The following NLGN1 variants were observed in gnomAD, a reference collection of about 807,000 sequenced individuals.
NLGN1 encodes neuroligin 1.
In NLGN1, 12 loss-of-function variants were observed where a neutral mutation model predicts 65.5. The ratio of observed to expected loss-of-function variants is 0.18; its 90% CI spans 0.12 to 0.30. NLGN1 has a LOEUF of 0.30. NLGN1 is among the 10% of genes least tolerant of loss of function. The pLI is 1.00. For synonymous variants in NLGN1, 350 were observed against 359.5 expected, an observed-to-expected ratio of 0.97 and a Z score of 0.30; for missense variants, 750 against 1,007.1, an observed-to-expected ratio of 0.74 and a Z score of 3.46.
chr3:174,215,869 G>T (rs1169658830), intron 4 of NLGN1, among the ~76,000 whole-genome samples: 4 of 152,052 alleles, frequency 2.6e-5, no homozygotes, highest in South Asian at 2.1e-4. Flanking sequence ...CTTTTCTACT[G>T]CAGCCTCCCA....
rs550467233 is a variant in NLGN1, at chr3:173,472,795, T to C, written c.-321+37717T>C. The stretch of plus-strand genomic sequence containing the variant: ...CATCTTTTTTCTCAGCATTTTTCAA[T>C]TGTCGACCTAAAAAAGAATTGTCTG... On this transcript the variant is annotated intron_variant, in intron 2 of 6. Coordinates refer to ENST00000457714, the Ensembl canonical transcript of NLGN1. Among the ~76,000 whole-genome samples the C allele has an allele frequency of 2.0e-5, 3 of 152,244 alleles. No homozygotes were observed. The South Asian group carries it at 6.2e-4, about 32-fold the overall frequency.
chr3:173,694,447 A>G (rs1765908722), intron 3 of NLGN1, among the ~76,000 whole-genome samples: 1 of 152,196 alleles, frequency 6.6e-6, no homozygotes, highest in African/African-American at 2.4e-5. Context: ...ACTGACGTGT[A>G]CATTATCTAG....
Position 173,792,883 on chromosome 3 carries a change from C to T in NLGN1, c.494-14797C>T, listed in dbSNP as rs1289859451. Among the ~76,000 whole-genome samples, 3 of 152,022 alleles carry T rather than the reference C, an allele frequency of 2.0e-5. No individual in the cohort carries two copies. The East Asian group carries it at 5.8e-4, about 29-fold the overall frequency. On this transcript the variant is annotated intron_variant, in intron 3 of 6. Transcript: ENST00000457714. ...TGGAATAGAAAATATCTTATTTTTGCTCATGAATTTCGAAAACATCAAAAC... is the reference window on the plus strand; with the variant it reads ...TGGAATAGAAAATATCTTATTTTTGTTCATGAATTTCGAAAACATCAAAAC...
chr3:174,257,204 A>T (rs1226815915), intron 4 of NLGN1, among the ~76,000 whole-genome samples: 2 of 152,228 alleles, frequency 1.3e-5, no homozygotes, highest in Non-Finnish European at 2.9e-5. Flanking sequence ...AATCGCAATG[A>T]GATACCATCT....
chr3:174,003,499 T>G (rs554572021), intron 4 of NLGN1, among the ~76,000 whole-genome samples: 1 of 152,186 alleles, frequency 6.6e-6, no homozygotes, highest in African/African-American at 2.4e-5. Flanking sequence ...AGTCAAGATA[T>G]ACATTCAAAC....
At chr3:173,802,257 T>C (rs1174350961) in intron 3 of NLGN1, among the ~76,000 whole-genome samples, 1 of 152,172 alleles carries the variant, frequency 6.6e-6, no homozygotes, top group Non-Finnish European at 1.5e-5. Flanking sequence ...TTTATAGACA[T>C]GTTTTGAAGC....
the NLGN1 span, among the ~76,000 whole-genome samples, chr3:174,292,842 A>G: frequency 3.9e-3 from 593 of 151,574 alleles, 5 homozygotes; most frequent in African/African-American, 0.014. Context: ...TTACCTCAGA[A>G]AAGGCTTGCA....
At chr3:173,511,394 C>A (rs1473430149) in intron 2 of NLGN1, among the ~76,000 whole-genome samples, 1 of 152,122 alleles carries the variant, frequency 6.6e-6, no homozygotes, top group Non-Finnish European at 1.5e-5. Flanking sequence ...CATTATCACC[C>A]AAAGTCCATT....
intron 4 of NLGN1, among the ~76,000 whole-genome samples, chr3:174,009,151 G>A (rs1725020727): frequency 6.6e-6 from 1 of 152,152 alleles, no homozygotes; most frequent in South Asian, 2.1e-4. Flanking sequence ...TCCTCACATG[G>A]TTAAGAGAGA....
chr3:174,029,557 G>A (rs1407385041), intron 4 of NLGN1, among the ~76,000 whole-genome samples: 2 of 152,144 alleles, frequency 1.3e-5, no homozygotes, highest in Non-Finnish European at 2.9e-5. Flanking sequence ...AGTTAATGCT[G>A]GAATGAGTTA....
At chr3:173,773,399 A>G (rs115836876) in intron 3 of NLGN1, among the ~76,000 whole-genome samples, 2,559 of 152,298 alleles carry the variant, frequency 0.017, 68 homozygotes, top group African/African-American at 0.057. Context: ...CTTATTGGTC[A>G]TCTTTGCAAG....
chr3:174,255,846 A>C (rs1030483141), intron 4 of NLGN1, among the ~76,000 whole-genome samples: 8 of 151,676 alleles, frequency 5.3e-5, no homozygotes, highest in Admixed American at 1.3e-4. Flanking sequence ...TTTTATATAG[A>C]CGATGTTTTG....
chr3:173,451,320 G>GTGCA (rs1472722112), intron 2 of NLGN1, among the ~76,000 whole-genome samples: 1 of 152,160 alleles, frequency 6.6e-6, no homozygotes, highest in East Asian at 1.9e-4. Flanking sequence ...TTTACTGGAG[G>GTGCA]TGCACTCCAG....
At chr3:173,479,221 A>G (rs1726818590) in intron 2 of NLGN1, among the ~76,000 whole-genome samples, 1 of 152,148 alleles carries the variant, frequency 6.6e-6, no homozygotes, top group East Asian at 1.9e-4. Context: ...GAGGAGATGG[A>G]AGGCATGAGA....
At chr3:173,614,429 G>C (rs4894617) in intron 3 of NLGN1, among the ~76,000 whole-genome samples, 4,220 of 152,144 alleles carry the variant, frequency 0.028, 85 homozygotes, top group Middle Eastern at 0.044. Context: ...CTAAAAAGAA[G>C]AATGCCTGCA....
intron 4 of NLGN1, among the ~76,000 whole-genome samples, chr3:173,832,587 G>T (rs1722823656): frequency 6.6e-6 from 1 of 152,124 alleles, no homozygotes; most frequent in Admixed American, 6.5e-5. Context: ...AGAACAAGAA[G>T]ACTATTCAAG....
At chr3:173,600,290 C>T (rs948813702) in intron 2 of NLGN1, among the ~76,000 whole-genome samples, 1 of 151,544 alleles carries the variant, frequency 6.6e-6, no homozygotes, top group South Asian at 2.1e-4. Context: ...GACTATAGAA[C>T]ATAACTACCA....
intron 2 of NLGN1, among the ~76,000 whole-genome samples, chr3:173,528,816 A>G (rs1736075841): frequency 6.6e-6 from 1 of 152,168 alleles, no homozygotes. Flanking sequence ...TTTTTAAGAC[A>G]TCTATCTCTT....
chr3:173,623,298 GA>G (rs1754309675), intron 3 of NLGN1, among the ~76,000 whole-genome samples: 1 of 151,822 alleles, frequency 6.6e-6, no homozygotes, highest in Non-Finnish European at 1.5e-5. Flanking sequence ...GATTGGAAAA[GA>G]AGTTAGGACA....
Sources: allele counts gnomAD v4.1 joint callset (sites outside exome capture counted in the v4.1 genomes callset), GRCh38; gene constraint gnomAD v4.1.1; transcripts MANE v1.5; gene names NCBI Gene and HGNC (gene_info 2026-07-23, HGNC 2026-07-21).